Variants in USP17L7 observed in about 807,000 individuals in gnomAD.
The protein encoded by USP17L7 is ubiquitin specific peptidase 17 like family member 7.
USP17L7 carries 53 observed loss-of-function variants against 37.6 expected under a neutral mutation model. That is an observed-to-expected ratio of 1.41 (90% CI 1.13 to 1.77). The LOEUF (loss-of-function observed/expected upper bound fraction) is 1.77, where lower values mean the gene tolerates loss of function less well. Among genes scored for constraint, USP17L7 ranks in the 40% most tolerant of loss-of-function variants. The pLI is 0.00. For synonymous variants in USP17L7, 330 were observed against 251.0 expected (o/e 1.31, Z -2.98); for missense variants, 914 against 645.0 (o/e 1.42, Z -4.52).
Position 12,133,463 on chromosome 8 carries a change from G to T in USP17L7, c.547C>A (p.Leu183Ile). Reference sequence around the variant, plus strand: ...GTGGTGTCCTTGGAGTGATGATCTAGCTGCTTGTGCCCGGGAAGGCATGCC... The same window carrying T: ...GTGGTGTCCTTGGAGTGATGATCTATCTGCTTGTGCCCGGGAAGGCATGCC... ...KKACLPGHKQ[L>I]DHHSKDTTLI... The change falls in exon 1 of 1, where the codon CTA (leucine) becomes ATA (isoleucine). Residue 183 changes from leucine (L) to isoleucine (I), a missense_variant. Transcript: ENST00000530447. 1.4e-6 allele frequency: 2 copies of T among 1,472,488 alleles called. 1 individual carries two copies. The allele number at this position is 1,472,488 out of a possible 1,614,324, so 91.2% of individuals were successfully genotyped here.
Position 12,133,724 on chromosome 8 carries a change from G to T in USP17L7, c.286C>A (p.Gln96Lys). Residue 96 changes from glutamine (Q) to lysine (K), a missense_variant, in exon 1 of 1, where the codon CAG (glutamine) becomes AAG (lysine). Gln to Lys is a moderately conservative substitution (Grantham distance 53). Transcript: ENST00000530447. ...AGCGGCAGTGTGTATGTCAGGCACT[G>T]CAGGGAAACGTTCACATAGAAGGTA... Reference protein sequence around the residue: ...GNTFYVNVSLQCLTYTLPLSN... With the variant: ...GNTFYVNVSLKCLTYTLPLSN... 7.4e-7 allele frequency: 1 copy of T among 1,353,136 alleles called. No individual in the cohort carries two copies. Among genetic ancestry groups the T allele is most frequent in the Non-Finnish European group, 1.0e-6 (1 of 967,870 alleles). The allele number at this position is 1,353,136 out of a possible 1,614,324, so 83.8% of individuals were successfully genotyped here.
chr8:12,133,431 G>A lies in USP17L7; in HGVS notation c.579C>T (p.Ile193=). The change falls in exon 1 of 1, where the codon ATC becomes ATT. Residue 193 remains isoleucine (I), a synonymous_variant. Transcript: ENST00000530447. ...LDHHSKDTTL[I]HQIFGAYWRS... ...TCCAATACGCTCCAAATATTTGGTG[G>A]ATGAGGGTGGTGTCCTTGGAGTGAT... 1 of 1,458,964 alleles carries A rather than the reference G, an allele frequency of 6.9e-7. No individual in the cohort carries two copies. The highest frequency in any genetic ancestry group is 9.3e-7 in the Non-Finnish European group (1 of 1,069,882). The allele number at this position is 1,458,964 out of a possible 1,614,324, so 90.4% of individuals were successfully genotyped here.
At position 12,132,627 on chromosome 8, in the gene USP17L7, G is replaced by T. The variant is rs760441634; in HGVS notation, c.1383C>A (p.Pro461=). The T allele has an allele frequency of 2.0e-6, 3 of 1,533,838 alleles. 1 individual carries two copies. In the South Asian group the frequency reaches 3.7e-5, roughly 19 times the overall value. Residue 461 remains proline (P), a synonymous_variant, in exon 1 of 1, where the codon CCC becomes CCA. Transcript: ENST00000530447. Reference sequence around the variant, plus strand: ...TTGATTGATGAATCACAAGTACGTTGGGAGGCAGGGTACCTTCAACTTTTC... The same window carrying T: ...TTGATTGATGAATCACAAGTACGTTTGGAGGCAGGGTACCTTCAACTTTTC... ...NVRKVEGTLP[P]NVLVIHQSKY...
In USP17L7 at chr8:12,133,099, T is replaced by C. The variant is rs764512838; in HGVS notation, c.911A>G (p.Gln304Arg). The C allele has an allele frequency of 6.8e-7, 1 of 1,480,608 alleles. No individual in the cohort carries two copies. The highest frequency in any genetic ancestry group is 9.2e-7 in the Non-Finnish European group (1 of 1,084,300). The allele number at this position is 1,480,608 out of a possible 1,614,324, so 91.7% of individuals were successfully genotyped here. ...TGTGTTCTGCTGAGACATGTATGGC[T>C]GCATGTCACGGCACTTAGGATATTG... ...NVQYPKCRDM[Q>R]PYMSQQNTGP... The change falls in exon 1 of 1, where the codon CAG becomes CGG. Residue 304 changes from glutamine to arginine, a missense_variant. Transcript: ENST00000530447.
chr8:12,133,298 C>T lies in USP17L7; in HGVS notation c.712G>A (p.Glu238Lys). The change falls in exon 1 of 1, where the codon GAA becomes AAA. Residue 238 changes from glutamate to lysine, a missense_variant. By Grantham distance (56) the Glu-to-Lys change is moderately conservative. Transcript: ENST00000530447. Reference sequence around the variant, plus strand: ...AGTTCTTTGGGCTTCACCAACTGTTCCAAAGCTTGCTTGACACTCTGAGCT... The same window carrying T: ...AGTTCTTTGGGCTTCACCAACTGTTTCAAAGCTTGCTTGACACTCTGAGCT... ...QAAQSVKQALEQLVKPKELNG... is the reference protein window; with the variant it reads ...QAAQSVKQALKQLVKPKELNG... The T allele has an allele frequency of 6.6e-7, 1 of 1,517,032 alleles. No homozygotes were observed. 94.0% of individuals were successfully genotyped at this position (1,517,032 alleles called of 1,614,324 possible).
rs747454586 is a variant in USP17L7, at chr8:12,133,611, T to A, written c.399A>T (p.Thr133=). ...CATGGCCAGGACTGTGGAGGGCCCA[T>A]GTGATGTGAGCTTGCATAGTACAGA... ...CMFCTMQAHI[T]WALHSPGHVI... Residue 133 remains threonine (T), a synonymous_variant, in exon 1 of 1, where the codon ACA becomes ACT. Transcript: ENST00000530447. 1.4e-5 allele frequency: 18 copies of A among 1,254,302 alleles called. 4 individuals carry two copies. In the Admixed American group the frequency reaches 3.0e-4, roughly 21 times the overall value. The allele number at this position is 1,254,302 out of a possible 1,614,324, so 77.7% of individuals were successfully genotyped here. A position where few individuals can be genotyped will look rare whatever the true frequency, so the allele number is the denominator to read the frequency against.
At position 12,133,977 on chromosome 8, in the gene USP17L7, G is replaced by C. The variant is rs760391238; in HGVS notation, c.33C>G (p.Asp11Glu). ...GTTTTGAAAAGTGATTGAACTGCCA[G>C]TCACCTCCCAAATAGAGTGAGTCGT... is the stretch of plus-strand genomic sequence containing the variant. MEDDSLYLGG[D>E]WQFNHFSKLT... Residue 11 changes from aspartate (D) to glutamate (E), a missense_variant, in exon 1 of 1, where the codon GAC becomes GAG. Coordinates refer to ENST00000530447, the MANE Select transcript of USP17L7 (RefSeq NM_001256869.2). 3.7e-4 allele frequency: 424 copies of C among 1,147,188 alleles called. 39 individuals carry two copies. In the Middle Eastern group the frequency reaches 5.9e-3, roughly 16 times the overall value. 71.1% of individuals were successfully genotyped at this position (1,147,188 alleles called of 1,614,324 possible).
rs747454586 is a variant in USP17L7 at position 12,133,611 on chromosome 8, T to C, written c.399A>G (p.Thr133=). 1.6e-6 allele frequency: 2 copies of C among 1,254,298 alleles called. No individual in the cohort carries two copies. The allele number at this position is 1,254,298 out of a possible 1,614,324, so 77.7% of individuals were successfully genotyped here. A position where few individuals can be genotyped will look rare whatever the true frequency, so the allele number is the denominator to read the frequency against. The change falls in exon 1 of 1, where the codon ACA becomes ACG. Residue 133 remains threonine, a synonymous_variant. Coordinates refer to ENST00000530447, the MANE Select transcript of USP17L7 (RefSeq NM_001256869.2). ...CMFCTMQAHI[T]WALHSPGHVI... ...CATGGCCAGGACTGTGGAGGGCCCATGTGATGTGAGCTTGCATAGTACAGA... is the reference window on the plus strand; with the variant it reads ...CATGGCCAGGACTGTGGAGGGCCCACGTGATGTGAGCTTGCATAGTACAGA...
Position 12,132,426 on chromosome 8 carries a change from C to A in USP17L7, c.1584G>T (p.Val528=). The A allele has an allele frequency of 1.4e-6, 2 of 1,414,268 alleles. No homozygotes were observed. The highest frequency in any genetic ancestry group is 2.6e-5 in the South Asian group (2 of 77,532). The allele number at this position is 1,414,268 out of a possible 1,614,324, so 87.6% of individuals were successfully genotyped here. Residue 528 remains valine (V), a synonymous_variant, in exon 1 of 1, where the codon GTG becomes GTT. Transcript: ENST00000530447. The stretch of plus-strand genomic sequence containing the variant: ...GGTACTTCCACTGTGATCACTGGCA[C>A]ACAAGCAGAGATCTCTTGCTGTGTT... ...NNKHSKRSLL[V]CQ is the part of the protein sequence containing the mutation.
At position 12,134,001 on chromosome 8, in the gene USP17L7, G is replaced by A. The variant is rs115444041; in HGVS notation, c.9C>T (p.Asp3=). 2,691 of 1,037,188 alleles carry A rather than the reference G, an allele frequency of 2.6e-3. 169 individuals are homozygous for A. In the African/African-American group the frequency reaches 0.035, roughly 13 times the overall value. 64.2% of individuals were successfully genotyped at this position (1,037,188 alleles called of 1,614,324 possible). A position where few individuals can be genotyped will look rare whatever the true frequency, so the allele number is the denominator to read the frequency against. ...AGTCACCTCCCAAATAGAGTGAGTC[G>A]TCTTCCATGTCGCCCGCAACAAGGA... ME[D]DSLYLGGDWQ... Residue 3 remains aspartate, a synonymous_variant, in exon 1 of 1, where the codon GAC becomes GAT. Coordinates refer to ENST00000530447, the MANE Select transcript of USP17L7 (RefSeq NM_001256869.2).
At position 12,133,979 on chromosome 8, in the gene USP17L7, C is replaced by A; in HGVS notation, c.31G>T (p.Asp11Tyr). Residue 11 changes from aspartate (D) to tyrosine (Y), a missense_variant, in exon 1 of 1, where the codon GAC (aspartate) becomes TAC (tyrosine). By Grantham distance (160) the Asp-to-Tyr change is radical. Transcript: ENST00000530447. ...TTTGAAAAGTGATTGAACTGCCAGT[C>A]ACCTCCCAAATAGAGTGAGTCGTCT... The part of the protein sequence containing the change: MEDDSLYLGG[D>Y]WQFNHFSKLT... 1.7e-6 allele frequency: 2 copies of A among 1,145,940 alleles called. No homozygotes were observed. The highest frequency in any genetic ancestry group is 1.3e-6 in the Non-Finnish European group (1 of 781,388). The allele number at this position is 1,145,940 out of a possible 1,614,324, so 71.0% of individuals were successfully genotyped here. A position where few individuals can be genotyped will look rare whatever the true frequency, so the allele number is the denominator to read the frequency against.
rs200862172 is a variant in USP17L7 at position 12,133,034 on chromosome 8, C to A, written c.976G>T (p.Ala326Ser). 6.6e-7 allele frequency: 1 copy of A among 1,524,064 alleles called. No homozygotes were observed. The highest frequency in any genetic ancestry group is 1.2e-5 in the South Asian group (1 of 80,772). 94.4% of individuals were successfully genotyped at this position (1,524,064 alleles called of 1,614,324 possible). A position where few individuals can be genotyped will look rare whatever the true frequency, so the allele number is the denominator to read the frequency against. The change falls in exon 1 of 1, where the codon GCT (alanine) becomes TCT (serine). Residue 326 changes from alanine to serine, a missense_variant. By Grantham distance (99) the Ala-to-Ser change is moderately conservative. Coordinates refer to ENST00000530447, the MANE Select transcript of USP17L7 (RefSeq NM_001256869.2). ...VYVLYAVLVH[A>S]GWSCHNGHYF... ...TGTCCGTTGTGACAACTCCACCCAG[C>A]GTGGACCAGCACAGCATAGAGGACA...
chr8:12,133,041 C>A lies in USP17L7; in HGVS notation c.969G>T (p.Leu323=), dbSNP rs756307794. Reference sequence around the variant, plus strand: ...TGTGACAACTCCACCCAGCGTGGACCAGCACAGCATAGAGGACATAGACAA... The same window carrying A: ...TGTGACAACTCCACCCAGCGTGGACAAGCACAGCATAGAGGACATAGACAA... ...GPLVYVLYAV[L]VHAGWSCHNG... is the part of the protein sequence containing the mutation. Residue 323 remains leucine (L), a synonymous_variant, in exon 1 of 1, where the codon CTG becomes CTT. Coordinates refer to ENST00000530447, the MANE Select transcript of USP17L7 (RefSeq NM_001256869.2). 1.8e-5 allele frequency: 28 copies of A among 1,522,016 alleles called. 6 individuals carry two copies. The highest frequency in any genetic ancestry group is 2.1e-4 in the Middle Eastern group (1 of 4,670). 94.3% of individuals were successfully genotyped at this position (1,522,016 alleles called of 1,614,324 possible).
In USP17L7 at chr8:12,132,480, C is replaced by T. The variant is rs1454652712; in HGVS notation, c.1530G>A (p.Gly510=). The T allele has an allele frequency of 5.5e-6, 8 of 1,457,514 alleles. 1 individual carries two copies. In the East Asian group the frequency reaches 1.8e-4, roughly 33 times the overall value. 90.3% of individuals were successfully genotyped at this position (1,457,514 alleles called of 1,614,324 possible). ...MNTGTLASLQ[G]STRRSKGNNK... ...TATTCCCTTTGGATCTCCTGGTGCT[C>T]CCTTGCAGAGAAGCGAGTGTGCCAG... is the stretch of plus-strand genomic sequence containing the variant. The change falls in exon 1 of 1, where the codon GGG becomes GGA. Residue 510 remains glycine, a synonymous_variant. Coordinates refer to ENST00000530447, the MANE Select transcript of USP17L7 (RefSeq NM_001256869.2).
Position 12,134,088 on chromosome 8 carries a change from C to T in USP17L7, c.-79G>A. ...AAGACGCTATCTCTTCCGAGAGAGT[C>T]TTCAAATGACCAGCTCTCTGGCCGC... On this transcript the variant is annotated 5_prime_UTR_variant, in exon 1 of 1. Transcript: ENST00000530447. The T allele has an allele frequency of 1.1e-5, 9 of 798,148 alleles. 1 individual carries two copies. The South Asian group carries it at 1.2e-4, about 11-fold the overall frequency. 49.4% of individuals were successfully genotyped at this position (798,148 alleles called of 1,614,324 possible).
At position 12,133,963 on chromosome 8, in the gene USP17L7, T is replaced by G. The variant is rs1364099492; in HGVS notation, c.47A>C (p.His16Pro). Residue 16 changes from histidine to proline, a missense_variant, in exon 1 of 1, where the codon CAC (histidine) becomes CCC (proline). By Grantham distance (77) the His-to-Pro change is moderately conservative. Coordinates refer to ENST00000530447, the MANE Select transcript of USP17L7 (RefSeq NM_001256869.2). ...LYLGGDWQFNHFSKLTSSRLD... is the reference protein window; with the variant it reads ...LYLGGDWQFNPFSKLTSSRLD... The stretch of plus-strand genomic sequence containing the variant: ...CCGAGAAGATGTGAGTTTTGAAAAG[T>G]GATTGAACTGCCAGTCACCTCCCAA... 8.1e-7 allele frequency: 1 copy of G among 1,235,046 alleles called. No individual in the cohort carries two copies. The highest frequency in any genetic ancestry group is 1.8e-5 in the Admixed American group (1 of 56,872). 76.5% of individuals were successfully genotyped at this position (1,235,046 alleles called of 1,614,324 possible).
chr8:12,133,311 G>T lies in USP17L7; in HGVS notation c.699C>A (p.Val233=). 1 of 1,513,794 alleles carries T rather than the reference G, an allele frequency of 6.6e-7. No homozygotes were observed. The highest frequency in any genetic ancestry group is 8.9e-7 in the Non-Finnish European group (1 of 1,118,380). The allele number at this position is 1,513,794 out of a possible 1,614,324, so 93.8% of individuals were successfully genotyped here. A position where few individuals can be genotyped will look rare whatever the true frequency, so the allele number is the denominator to read the frequency against. Residue 233 remains valine, a synonymous_variant, in exon 1 of 1, where the codon GTC becomes GTA. Coordinates refer to ENST00000530447, the MANE Select transcript of USP17L7 (RefSeq NM_001256869.2). ...TCACCAACTGTTCCAAAGCTTGCTT[G>T]ACACTCTGAGCTGCCTGGATATCCA... ...IALDIQAAQS[V]KQALEQLVKP...
At position 12,132,442 on chromosome 8, in the gene USP17L7, T is replaced by C. The variant is rs774751951; in HGVS notation, c.1568A>G (p.Lys523Arg). 11 of 1,429,340 alleles carry C rather than the reference T, an allele frequency of 7.7e-6. No individual in the cohort carries two copies. In the Admixed American group the frequency reaches 1.4e-4, roughly 18 times the overall value. The allele number at this position is 1,429,340 out of a possible 1,614,324, so 88.5% of individuals were successfully genotyped here. A position where few individuals can be genotyped will look rare whatever the true frequency, so the allele number is the denominator to read the frequency against. ...RRSKGNNKHSKRSLLVCQ is the reference protein window; with the variant it reads ...RRSKGNNKHSRRSLLVCQ Reference sequence around the variant, plus strand: ...TCACTGGCACACAAGCAGAGATCTCTTGCTGTGTTTGTTATTCCCTTTGGA... The same window carrying C: ...TCACTGGCACACAAGCAGAGATCTCCTGCTGTGTTTGTTATTCCCTTTGGA... The change falls in exon 1 of 1, where the codon AAG becomes AGG. Residue 523 changes from lysine (K) to arginine (R), a missense_variant. Coordinates refer to ENST00000530447, the MANE Select transcript of USP17L7 (RefSeq NM_001256869.2).
rs1802960840 is a variant in USP17L7 at position 12,132,592 on chromosome 8, C to G, written c.1418G>C (p.Cys473Ser). The change falls in exon 1 of 1, where the codon TGT becomes TCT. Residue 473 changes from cysteine to serine, a missense_variant. Coordinates refer to ENST00000530447, the MANE Select transcript of USP17L7 (RefSeq NM_001256869.2). Reference sequence around the variant, plus strand: ...TTCAGGATGATGGTTTTTCATACCACACTTGTATTTTGATTGATGAATCAC... The same window carrying G: ...TTCAGGATGATGGTTTTTCATACCAGACTTGTATTTTGATTGATGAATCAC... ...VLVIHQSKYK[C>S]GMKNHHPEQQ... 1 of 1,532,054 alleles carries G rather than the reference C, an allele frequency of 6.5e-7. No homozygotes were observed. The highest frequency in any genetic ancestry group is 8.9e-7 in the Non-Finnish European group (1 of 1,128,978). 94.9% of individuals were successfully genotyped at this position (1,532,054 alleles called of 1,614,324 possible). A position where few individuals can be genotyped will look rare whatever the true frequency, so the allele number is the denominator to read the frequency against.
Sources: gnomAD v4.1 joint callset for allele counts on GRCh38, gnomAD v4.1.1 for gene constraint, MANE v1.5 for transcripts, NCBI Gene and HGNC (gene_info 2026-07-23, HGNC 2026-07-21) for gene names.